PRRC2B: variants seen among roughly 807,000 people sequenced by gnomAD.
The protein encoded by PRRC2B is proline rich coiled-coil 2B.
A neutral mutation model predicts 242.3 loss-of-function variants in PRRC2B; 68 were observed. The observed-to-expected ratio is 0.28, with a 90% confidence interval of 0.23 to 0.34. The LOEUF (loss-of-function observed/expected upper bound fraction) is 0.34. PRRC2B is among the 10% of genes least tolerant of loss of function. PRRC2B has a pLI of 1.00. For synonymous variants in PRRC2B, 1,228 were observed against 1,173.6 expected, an observed-to-expected ratio of 1.05 and a Z score of -0.95; for missense variants, 2,835 against 2,954.8, an observed-to-expected ratio of 0.96 and a Z score of 0.94.
rs984320314 is a variant in PRRC2B, at chr9:131,496,126, C to T, written c.*252C>T. 5 of 484,888 alleles carry T rather than the reference C, an allele frequency of 1.0e-5. No individual in the cohort carries two copies. Among genetic ancestry groups the T allele is most frequent in the East Asian group, 6.9e-5 (2 of 28,898 alleles). 30.0% of individuals were successfully genotyped at this position (484,888 alleles called of 1,614,324 possible). ...ACTCCTTCATCCCATCTGCTCCTAC[C>T]GTGACTGTGGAGTGACGCCTCCTGT... On this transcript the variant is annotated 3_prime_UTR_variant, in exon 32 of 32. Coordinates refer to ENST00000683519, the MANE Select transcript of PRRC2B (RefSeq NM_013318.4).
rs12002882 is a variant in PRRC2B, at chr9:131,490,947, C to T, written c.6226-478C>T. 2,431 of 274,744 alleles carry T rather than the reference C, an allele frequency of 8.8e-3. 69 individuals carry two copies. Among genetic ancestry groups the T allele is most frequent in the African/African-American group, 0.05 (2,301 of 46,034 alleles). The allele number at this position is 274,744 out of a possible 1,614,324, so 17.0% of individuals were successfully genotyped here. A position where few individuals can be genotyped will look rare whatever the true frequency, so the allele number is the denominator to read the frequency against. ...TGGTGTGCACCCACAGATCCTATGC[C>T]GCTCTGCATCCCGAGTGTCCTGCAG... On this transcript the variant is annotated intron_variant, in intron 28 of 31. Transcript: ENST00000683519.
chr9:131,397,670 A>G (rs1837107240), intron 1 of PRRC2B, among the ~76,000 whole-genome samples: 2 of 144,766 alleles, frequency 1.4e-5, no homozygotes, highest in South Asian at 4.3e-4. Context: ...CTTAAGATTG[A>G]TCATTTCTGT....
chr9:131,421,362 G>C (rs1837834875), intron 1 of PRRC2B, among the ~76,000 whole-genome samples: 1 of 152,206 alleles, frequency 6.6e-6, no homozygotes, highest in Admixed American at 6.5e-5. Context: ...GGGAAAGATA[G>C]ACTTCTTTCA....
Position 131,446,695 on chromosome 9 carries a change from G to T in PRRC2B, c.855+53G>T. ...CCCCCATGAAGTTGGATTGTGTCCAGCAGATAGGTCAAGTGGTTGAATGTC... is the reference window on the plus strand; with the variant it reads ...CCCCCATGAAGTTGGATTGTGTCCATCAGATAGGTCAAGTGGTTGAATGTC... On this transcript the variant is annotated intron_variant, in intron 7 of 31. Transcript: ENST00000683519. The surrounding 1 kb of genome is among the most constrained non-coding windows in gnomAD (Gnocchi z 4.1). The T allele has an allele frequency of 1.3e-6, 2 of 1,597,346 alleles. No homozygotes were observed. Among genetic ancestry groups the T allele is most frequent in the Non-Finnish European group, 1.7e-6 (2 of 1,169,272 alleles).
chr9:131,399,405 C>T (rs1259102280), intron 1 of PRRC2B, among the ~76,000 whole-genome samples: 12 of 151,832 alleles, frequency 7.9e-5, no homozygotes, highest in Non-Finnish European at 1.8e-4. Flanking sequence ...CGATGAAACC[C>T]CGTGTCTACT....
intron 1 of PRRC2B, among the ~76,000 whole-genome samples, chr9:131,383,685 G>A (rs142593458): frequency 0.013 from 1,811 of 143,580 alleles, 14 homozygotes; most frequent in South Asian, 0.029. Context: ...GCAGCGGCTC[G>A]ATCTCGGCTT....
chr9:131,408,122 T>G (rs921706599), intron 1 of PRRC2B, among the ~76,000 whole-genome samples: 10 of 152,144 alleles, frequency 6.6e-5, no homozygotes, highest in Admixed American at 5.2e-4. Flanking sequence ...ATGGGGTTGT[T>G]GTAAGTAGGC....
At chr9:131,486,591 C>CTT (rs35282377) in intron 26 of PRRC2B, 761,730 of 950,510 alleles carry the variant, frequency 0.8, 308,506 homozygotes, top group East Asian at 0.93. Context: ...GACTGGCATA[C>CTT]TTTCTGTGCT....
intron 5 of PRRC2B, among the ~76,000 whole-genome samples, chr9:131,439,395 C>T (rs753060598): frequency 1.3e-5 from 2 of 152,154 alleles, no homozygotes; most frequent in African/African-American, 2.4e-5. Context: ...GGAGAGTGGT[C>T]GTGGTGTGGG....
At chr9:131,489,732 G>C (rs1044448196) in intron 28 of PRRC2B, among the ~76,000 whole-genome samples, 2 of 152,148 alleles carry the variant, frequency 1.3e-5, no homozygotes, top group African/African-American at 2.4e-5. Flanking sequence ...CCCTGCCTAG[G>C]TGCTGCCTGT....
At chr9:131,376,866 G>A (rs984997716) in intron 1 of PRRC2B, among the ~76,000 whole-genome samples, 4 of 152,086 alleles carry the variant, frequency 2.6e-5, no homozygotes, top group Admixed American at 2.0e-4. Context: ...AATTAGCCAG[G>A]CATGGTGGTA....
chr9:131,374,311 A>T (rs533478676), intron 1 of PRRC2B, among the ~76,000 whole-genome samples: 31 of 152,098 alleles, frequency 2.0e-4, no homozygotes, highest in African/African-American at 7.5e-4. Context: ...ACTCTGTCTC[A>T]AAATAAATAA....
chr9:131,403,090 G>A (rs1186889823), intron 1 of PRRC2B, among the ~76,000 whole-genome samples: 3 of 152,158 alleles, frequency 2.0e-5, no homozygotes, highest in Non-Finnish European at 2.9e-5. Context: ...TTTTCGGCAG[G>A]TGTTGTTTAC....
At chr9:131,469,062 G>A (rs11243401) in intron 13 of PRRC2B, among the ~76,000 whole-genome samples, 5,568 of 152,182 alleles carry the variant, frequency 0.037, 152 homozygotes, top group Non-Finnish European at 0.053. Flanking sequence ...AGGAATTGCC[G>A]GGCGTGGTGG....
chr9:131,393,471 A>C (rs748789638), upstream of PRRC2B, among the ~76,000 whole-genome samples: 2 of 152,242 alleles, frequency 1.3e-5, no homozygotes, highest in Admixed American at 6.5e-5. Flanking sequence ...ACAACACTCA[A>C]GAGGAGGGGC....
rs140749326 is a variant in PRRC2B at position 131,429,528 on chromosome 9, C to T, written c.-51-566C>T. ...CTTTTGTTGCCTAAGCAGATGTTTT[C>T]TCTCTGGGTACTAGTTGTTTATTTT... is the stretch of plus-strand genomic sequence containing the variant. On this transcript the variant is annotated intron_variant, in intron 1 of 31. Transcript: ENST00000683519. Among the ~76,000 whole-genome samples the T allele has an allele frequency of 1.9e-3, 285 of 152,250 alleles. 2 individuals are homozygous for T. The highest frequency in any genetic ancestry group is 3.2e-3 in the Non-Finnish European group (216 of 68,016).
In PRRC2B at chr9:131,476,316, A is replaced by G. The variant is rs769074167; in HGVS notation, c.4187A>G (p.Glu1396Gly). 4 of 1,579,732 alleles carry G rather than the reference A, an allele frequency of 2.5e-6. No homozygotes were observed. The highest frequency in any genetic ancestry group is 3.4e-6 in the Non-Finnish European group (4 of 1,163,494). The change falls in exon 16 of 32, where the codon GAG becomes GGG. Residue 1396 changes from glutamate (E) to glycine (G), a missense_variant. By Grantham distance (98) the Glu-to-Gly change is moderately conservative. Around this residue, in one of 7 missense-constraint regions of PRRC2B, gnomAD observed 1,536 missense variants for 1,483.1 expected, o/e 1.04. Transcript: ENST00000683519. Reference protein sequence around the residue: ...RRERREGPGSEPDSQVDGGLS... With the variant: ...RRERREGPGSGPDSQVDGGLS... ...GAGCGGCGGGAAGGCCCTGGGTCCG[A>G]GCCCGACTCCCAGGTGGATGGTGGC... is the stretch of plus-strand genomic sequence containing the variant.
chr9:131,429,660 G>T (rs971417192), intron 1 of PRRC2B, among the ~76,000 whole-genome samples: 1 of 152,190 alleles, frequency 6.6e-6, no homozygotes, highest in Non-Finnish European at 1.5e-5. Flanking sequence ...TAAGTGGGTT[G>T]TGTACCTCCC....
Position 131,447,756 on chromosome 9 carries a change from C to A in PRRC2B, c.1072C>A (p.Leu358Met). ...GCCCACCATTATCAATGCGGAAAACCTGAAGGGCCTTGACGATCTGGACGC... is the reference window on the plus strand; with the variant it reads ...GCCCACCATTATCAATGCGGAAAACATGAAGGGCCTTGACGATCTGGACGC... ...PRPTIINAEN[L>M]KGLDDLDADA... Residue 358 changes from leucine to methionine, a missense_variant, in exon 9 of 32, where the codon CTG becomes ATG. By Grantham distance (15) the Leu-to-Met change is conservative (BLOSUM62 2). This residue lies in a region of PRRC2B where 626 missense variants were observed against 685.5 expected (regional missense o/e 0.91). Transcript: ENST00000683519. 1 of 1,613,838 alleles carries A rather than the reference C, an allele frequency of 6.2e-7. No individual in the cohort carries two copies. The highest frequency in any genetic ancestry group is 8.5e-7 in the Non-Finnish European group (1 of 1,179,788).
Sources: gnomAD v4.1 joint callset for allele counts (sites outside exome capture counted in the v4.1 genomes callset) on GRCh38, gnomAD v4.1.1 for gene constraint, gnomAD v4.1.1 regional missense constraint, Gnocchi (gnomAD v3.1) non-coding constraint, MANE v1.5 for transcripts, NCBI Gene and HGNC (gene_info 2026-07-23, HGNC 2026-07-21) for gene names.